Variants in CDK14 observed in about 807,000 individuals in gnomAD.
CDK14 encodes the protein cyclin-dependent kinase 14.
In CDK14, 34 loss-of-function variants were observed where a neutral mutation model predicts 60.7. The observed-to-expected ratio is 0.56, with a 90% CI of 0.43 to 0.75. CDK14 has a LOEUF of 0.75. CDK14 is among the 30% of genes least tolerant of loss of function. The probability of loss-of-function intolerance (pLI) is 0.00; values close to 1 mark genes in which losing one functional copy is unlikely to be tolerated. For synonymous variants in CDK14, 197 were observed against 203.7 expected, an observed-to-expected ratio of 0.97 and a Z score of 0.28; for missense variants, 482 against 564.1, an observed-to-expected ratio of 0.85 and a Z score of 1.47.
chr7:90,750,662 C>T (rs1311489782), intron 4 of CDK14, among the ~76,000 whole-genome samples: 1 of 152,170 alleles, frequency 6.6e-6, no homozygotes, highest in Non-Finnish European at 1.5e-5. Context: ...CATCTGAGGT[C>T]AGGAGTTTGA....
chr7:91,065,245 G>A (rs994342233), intron 11 of CDK14, among the ~76,000 whole-genome samples: 1 of 152,186 alleles, frequency 6.6e-6, no homozygotes, highest in African/African-American at 2.4e-5. Context: ...GCTCTACTGG[G>A]TGGCAGTGAC....
At chr7:90,973,366 C>G (rs1268431881) in intron 9 of CDK14, among the ~76,000 whole-genome samples, 1 of 152,120 alleles carries the variant, frequency 6.6e-6, no homozygotes, top group Non-Finnish European at 1.5e-5. Flanking sequence ...CATGATCCCT[C>G]TGGAATTGAA....
intron 2 of CDK14, among the ~76,000 whole-genome samples, chr7:90,616,209 G>C (rs1490412610): frequency 6.6e-6 from 1 of 152,020 alleles, no homozygotes; most frequent in Admixed American, 6.5e-5. Context: ...TTCTAACAAA[G>C]AAATGGATAA....
Position 91,124,967 on chromosome 7 carries a change from A to G in CDK14, c.*28+6759A>G, listed in dbSNP as rs181888628. On this transcript the variant is annotated intron_variant, in intron 14 of 14. Transcript: ENST00000380050. The stretch of plus-strand genomic sequence containing the variant: ...TGCACTGTATTGTATTATTAATACC[A>G]GTATAGCAGCTGAGTCCCACTAGAC... 2.6e-3 allele frequency among the ~76,000 whole-genome samples: 400 copies of G among 152,320 alleles called. 2 individuals are homozygous for G. The highest frequency in any genetic ancestry group is 8.7e-3 in the African/African-American group (362 of 41,568).
chr7:90,639,534 A>C (rs1271254452), intron 2 of CDK14, among the ~76,000 whole-genome samples: 1 of 151,894 alleles, frequency 6.6e-6, no homozygotes, highest in Non-Finnish European at 1.5e-5. Context: ...GTCAGTCTGT[A>C]CCTACTGGGG....
At chr7:90,884,682 C>G (rs1022088612) in intron 6 of CDK14, among the ~76,000 whole-genome samples, 46 of 152,140 alleles carry the variant, frequency 3.0e-4, no homozygotes, top group Admixed American at 2.9e-3. Flanking sequence ...TGACTTCAAA[C>G]TATGCTACAG....
At chr7:90,926,374 C>T (rs1793415593) in intron 8 of CDK14, among the ~76,000 whole-genome samples, 1 of 152,048 alleles carries the variant, frequency 6.6e-6, no homozygotes, top group African/African-American at 2.4e-5. Flanking sequence ...AGTAGGAAAC[C>T]TTGTTGGAAT....
At chr7:90,813,449 A>G (rs996266605) in intron 5 of CDK14, among the ~76,000 whole-genome samples, 1 of 152,218 alleles carries the variant, frequency 6.6e-6, no homozygotes, top group African/African-American at 2.4e-5. Context: ...AAATTGTTTA[A>G]CAAAAATGAC....
chr7:90,917,859 A>T, intron 8 of CDK14, 135 bp downstream of exon 8: 2 of 827,672 alleles, frequency 2.4e-6, no homozygotes, highest in Admixed American at 2.8e-5. Flanking sequence ...GAAATGAAGG[A>T]TTTTTTCTTT....
intron 8 of CDK14, among the ~76,000 whole-genome samples, chr7:90,935,581 T>C (rs1793725567): frequency 6.6e-6 from 1 of 152,228 alleles, no homozygotes; most frequent in South Asian, 2.1e-4. Context: ...TAGCTATAAA[T>C]TCCTTAATTG....
chr7:91,071,567 G>A (rs1000754480), intron 11 of CDK14, among the ~76,000 whole-genome samples: 8 of 152,172 alleles, frequency 5.3e-5, no homozygotes, highest in Non-Finnish European at 7.4e-5. Context: ...CCATGCCACC[G>A]GGGCCTAGGG....
At chr7:90,646,300 CTTT>C (rs56994508) in intron 2 of CDK14, among the ~76,000 whole-genome samples, 16 of 143,256 alleles carry the variant, frequency 1.1e-4, no homozygotes, top group Admixed American at 1.4e-4. Context: ...GTATGAAGGA[CTTT>C]TTTTTTTTTT....
chr7:91,084,785 C>A lies in CDK14; in HGVS notation c.1154+5305C>A, dbSNP rs1510609. On this transcript the variant is annotated intron_variant, in intron 12 of 14. Transcript: ENST00000380050. ...ATGTGCCAGGCTTGGGAGTTGGCAA[C>A]AGCCATTGCTTTTCATCCTTTCAGA... Among the ~76,000 whole-genome samples the A allele has an allele frequency of 4.3e-3, 648 of 152,340 alleles. 4 individuals are homozygous for A. The highest frequency in any genetic ancestry group is 0.015 in the African/African-American group (623 of 41,570).
At chr7:90,934,148 C>T (rs1584140371) in intron 8 of CDK14, among the ~76,000 whole-genome samples, 3 of 152,220 alleles carry the variant, frequency 2.0e-5, no homozygotes, top group Non-Finnish European at 4.4e-5. Context: ...GGCCTTGGGG[C>T]GTGAGAGCAG....
chr7:90,863,698 T>TGTGTGTG (rs61201271), intron 6 of CDK14, among the ~76,000 whole-genome samples: 4 of 58,460 alleles, frequency 6.8e-5, no homozygotes, highest in Admixed American at 2.0e-4. Context: ...GTGTGTGTGT[T>TGTGTGTG]TGTGTGTGTG....
intron 14 of CDK14, among the ~76,000 whole-genome samples, chr7:91,127,168 A>T (rs1315941185): frequency 6.6e-6 from 1 of 152,142 alleles, no homozygotes; most frequent in Non-Finnish European, 1.5e-5. Flanking sequence ...TAATTTGTTT[A>T]TCACTAGAGG....
At chr7:90,617,572 C>T (rs1799680144) in intron 2 of CDK14, among the ~76,000 whole-genome samples, 1 of 151,798 alleles carries the variant, frequency 6.6e-6, no homozygotes, top group African/African-American at 2.4e-5. Flanking sequence ...AAACTGAGAC[C>T]CAGGGAGATT....
rs1424672176 is a variant in CDK14, at chr7:90,933,468, C to T, written c.826+15744C>T. Among the ~76,000 whole-genome samples the T allele has an allele frequency of 3.3e-5, 5 of 152,096 alleles. No individual in the cohort carries two copies. In the East Asian group the frequency reaches 7.7e-4, roughly 23 times the overall value. Reference sequence around the variant, plus strand: ...CTTTGCCTGTAGTATCTTTTCAAATCTTCACATAGTCTCCTTTTCTATATA... The same window carrying T: ...CTTTGCCTGTAGTATCTTTTCAAATTTTCACATAGTCTCCTTTTCTATATA... On this transcript the variant is annotated intron_variant, in intron 8 of 14. Coordinates refer to ENST00000380050, the MANE Select transcript of CDK14 (RefSeq NM_001287135.2).
rs1801340854 is a variant in CDK14 at position 91,166,156 on chromosome 7, T to A, written c.*29-41009T>A. ...ACCCTTATGTGTAGAAGGTCTTATG[T>A]AGAGAGACTTATGAAATGCATATCT... On this transcript the variant is annotated intron_variant, in intron 14 of 14. Transcript: ENST00000380050. 3.9e-5 allele frequency among the ~76,000 whole-genome samples: 6 copies of A among 152,206 alleles called. No individual in the cohort carries two copies. The South Asian group carries it at 1.0e-3, about 26-fold the overall frequency.
Sources: gnomAD v4.1 joint callset for allele counts (sites outside exome capture counted in the v4.1 genomes callset) on GRCh38, gnomAD v4.1.1 for gene constraint, MANE v1.5 for transcripts, NCBI Gene and HGNC (gene_info 2026-07-23, HGNC 2026-07-21) for gene names.